CDH12: variants seen among roughly 807,000 people sequenced by gnomAD.
The protein encoded by CDH12 is cadherin 12.
CDH12 carries 41 observed loss-of-function variants against 74.1 expected under a neutral mutation model. The observed-to-expected ratio is 0.55, with a 90% CI of 0.43 to 0.72. CDH12 has a LOEUF of 0.72. Ranked by LOEUF, CDH12 falls within the 30% of genes least tolerant of loss-of-function variation. The pLI is 0.00. For missense variants in CDH12, 945 were observed against 977.2 expected (o/e 0.97, Z 0.44); for synonymous variants, 399 against 355.0 (o/e 1.12, Z -1.39).
intron 6 of CDH12, among the ~76,000 whole-genome samples, chr5:21,947,410 A>T (rs182188422): frequency 6.6e-6 from 1 of 152,300 alleles, no homozygotes; most frequent in African/African-American, 2.4e-5. Flanking sequence ...TGTGATATAG[A>T]CAGTGAAGTC....
chr5:22,451,362 T>A (rs1295689812), intron 2 of CDH12, among the ~76,000 whole-genome samples: 1 of 151,920 alleles, frequency 6.6e-6, no homozygotes, highest in African/African-American at 2.4e-5. Context: ...AAATAAATCT[T>A]TAATATTACT....
At chr5:22,052,216 T>TC (rs1580172964) in intron 5 of CDH12, among the ~76,000 whole-genome samples, 1 of 152,150 alleles carries the variant, frequency 6.6e-6, no homozygotes, top group African/African-American at 2.4e-5. Context: ...TGATTTTTTT[T>TC]CTCTCTTATA....
At chr5:22,064,724 G>GA (rs1207433604) in intron 5 of CDH12, among the ~76,000 whole-genome samples, 1 of 152,182 alleles carries the variant, frequency 6.6e-6, no homozygotes, top group South Asian at 2.1e-4. Flanking sequence ...TAACATTACT[G>GA]AAAAAAGTGA....
chr5:22,793,993 T>C (rs987218236), intron 1 of CDH12, among the ~76,000 whole-genome samples: 1 of 152,184 alleles, frequency 6.6e-6, no homozygotes, highest in African/African-American at 2.4e-5. Context: ...TGTTGCATCA[T>C]ATAAATACTA....
intron 11 of CDH12, among the ~76,000 whole-genome samples, chr5:21,769,639 G>C (rs568135871): frequency 6.6e-6 from 1 of 151,982 alleles, no homozygotes; most frequent in Non-Finnish European, 1.5e-5. Flanking sequence ...TTTAGAAATG[G>C]GTTCACTGGG....
intron 5 of CDH12, among the ~76,000 whole-genome samples, chr5:22,018,229 T>G: frequency 6.6e-6 from 1 of 152,184 alleles, no homozygotes; most frequent in East Asian, 1.9e-4. Flanking sequence ...TTTGTCTCAA[T>G]TTCCCTCTCT....
At chr5:21,854,021 T>C (rs1750616675) in intron 7 of CDH12, among the ~76,000 whole-genome samples, 1 of 151,694 alleles carries the variant, frequency 6.6e-6, no homozygotes. Flanking sequence ...TGTTTAGAAA[T>C]AGAGTGACCT....
chr5:21,997,297 G>A (rs1229880047), intron 5 of CDH12, among the ~76,000 whole-genome samples: 1 of 152,062 alleles, frequency 6.6e-6, no homozygotes, highest in Non-Finnish European at 1.5e-5. Context: ...AAAGAATACT[G>A]TTCCTCCAAT....
chr5:22,141,595 C>G (rs1175789574), intron 4 of CDH12: 1 of 151,994 alleles, frequency 6.6e-6, no homozygotes, highest in Non-Finnish European at 1.5e-5. Context: ...GGGGTTTTTT[C>G]CATGAGAATA....
At chr5:21,807,717 G>C (rs1030707255) in intron 9 of CDH12, among the ~76,000 whole-genome samples, 1 of 152,084 alleles carries the variant, frequency 6.6e-6, no homozygotes, top group Non-Finnish European at 1.5e-5. Context: ...AGAATTCTAA[G>C]ATGCTCCCAA....
At chr5:22,540,648 CT>C (rs1301458247) in intron 1 of CDH12, among the ~76,000 whole-genome samples, 1 of 152,094 alleles carries the variant, frequency 6.6e-6, no homozygotes, top group Non-Finnish European at 1.5e-5. Flanking sequence ...CCTTACTAGT[CT>C]GGTGAAATTA....
rs184861032 is a variant in CDH12, at chr5:22,768,108, T to C, written c.-523+84950A>G. Reference sequence around the variant, plus strand: ...ACTTCTAGAATATAGTACAGAAAGATGGTACTCAAATCAATTCCTACTCAC... The same window carrying C: ...ACTTCTAGAATATAGTACAGAAAGACGGTACTCAAATCAATTCCTACTCAC... On this transcript the variant is annotated intron_variant, in intron 1 of 14. Coordinates refer to ENST00000382254, the MANE Select transcript of CDH12 (RefSeq NM_004061.5). Among the ~76,000 whole-genome samples the C allele has an allele frequency of 5.2e-3, 789 of 152,156 alleles. 10 individuals carry two copies. The highest frequency in any genetic ancestry group is 0.043 in the South Asian group (208 of 4,832).
At chr5:22,818,809 C>A (rs1749520758) in intron 1 of CDH12, among the ~76,000 whole-genome samples, 1 of 152,162 alleles carries the variant, frequency 6.6e-6, no homozygotes, top group African/African-American at 2.4e-5. Context: ...AAAAGGAAAT[C>A]CATTGGTTGC....
intron 3 of CDH12, among the ~76,000 whole-genome samples, chr5:22,395,569 T>A (rs111649616): frequency 6.6e-6 from 1 of 152,100 alleles, no homozygotes; most frequent in Non-Finnish European, 1.5e-5. Flanking sequence ...CTGAGAAGAT[T>A]TTTACAAAGT....
chr5:21,806,909 C>T (rs547222529), intron 9 of CDH12, among the ~76,000 whole-genome samples: 13 of 152,274 alleles, frequency 8.5e-5, no homozygotes, highest in African/African-American at 2.9e-4. Context: ...AACTGATGCC[C>T]TCCTTGGTCC....
chr5:22,113,457 G>C (rs193298325), intron 4 of CDH12, among the ~76,000 whole-genome samples: 44 of 152,064 alleles, frequency 2.9e-4, no homozygotes, highest in African/African-American at 1.0e-3. Flanking sequence ...TATGATCCCA[G>C]GTCTTTAGAT....
intron 5 of CDH12, among the ~76,000 whole-genome samples, chr5:22,057,357 T>C (rs931922196): frequency 1.3e-5 from 2 of 152,116 alleles, no homozygotes; most frequent in Non-Finnish European, 2.9e-5. Flanking sequence ...AATATTTACC[T>C]GGAATTCCCT....
Position 22,278,548 on chromosome 5 carries a change from C to CT in CDH12, c.-332-65906dup, listed in dbSNP as rs199555910. Among the ~76,000 whole-genome samples the CT allele has an allele frequency of 2.3e-3, 346 of 148,066 alleles. 2 individuals carry two copies. The highest frequency in any genetic ancestry group is 8.4e-3 in the Admixed American group (123 of 14,704). On this transcript the variant is annotated intron_variant, in intron 3 of 14. Transcript: ENST00000382254. ...CATTTTAGAATTTTCCCAGCCCTCC[C>CT]TTTTTTTTTTAACTCAGATTTTGAC...
chr5:21,906,751 C>A (rs1753659053), intron 6 of CDH12, among the ~76,000 whole-genome samples: 1 of 152,222 alleles, frequency 6.6e-6, no homozygotes. Flanking sequence ...CATTCCTGAG[C>A]TACAGTCAGT....
Sources: gnomAD v4.1 joint callset for allele counts (sites outside exome capture counted in the v4.1 genomes callset) on GRCh38, gnomAD v4.1.1 for gene constraint, MANE v1.5 for transcripts, NCBI Gene and HGNC (gene_info 2026-07-23, HGNC 2026-07-21) for gene names.